The following NR2C1 variants were observed in gnomAD, a reference collection of about 807,000 sequenced individuals.
NR2C1 encodes TR2 nuclear hormone receptor.
Under a neutral mutation model 74.8 loss-of-function variants are expected in NR2C1, and 33 were observed. The ratio of observed to expected loss-of-function variants is 0.44; its 90% CI spans 0.33 to 0.59. The LOEUF is 0.59. NR2C1 is among the 20% of genes least tolerant of loss of function. NR2C1 has a pLI of 0.02. For missense variants in NR2C1, 568 were observed against 715.6 expected, an observed-to-expected ratio of 0.79 and a Z score of 2.35; for synonymous variants, 225 against 240.6, an observed-to-expected ratio of 0.94 and a Z score of 0.60.
At chr12:95,038,827 C>T (rs1436627128) in intron 10 of NR2C1, among the ~76,000 whole-genome samples, 1 of 152,072 alleles carries the variant, frequency 6.6e-6, no homozygotes, top group Non-Finnish European at 1.5e-5. Flanking sequence ...TCTGTATCCT[C>T]ACTATATTTG....
At chr12:95,028,809 T>C (rs1354202699) in intron 11 of NR2C1, among the ~76,000 whole-genome samples, 2 of 151,956 alleles carry the variant, frequency 1.3e-5, no homozygotes, top group Non-Finnish European at 2.9e-5. Flanking sequence ...TTTGTATTTT[T>C]TGTAGGATGG....
rs202154538 is a variant in NR2C1, at chr12:95,058,430, G to A, written c.424C>T (p.Arg142Ter). The A allele has an allele frequency of 1.2e-6, 2 of 1,612,850 alleles. No homozygotes were observed. The highest frequency in any genetic ancestry group is 1.7e-6 in the Non-Finnish European group (2 of 1,179,644). ...GCKGFFKRSI[R>*]KNLVYSCRGS... ...CGACATGAATATACTAAATTTTTTC[G>A]GATGCTTCTTTTAAAAAATCCTTTG... The change falls in exon 5 of 14, where the codon CGA becomes TGA. Residue 142 changes from arginine (R) to a stop codon, truncating the protein, a stop_gained. Coordinates refer to ENST00000333003, the MANE Select transcript of NR2C1 (RefSeq NM_003297.4). LOFTEE classifies it high-confidence loss of function.
chr12:95,057,659 A>C lies in NR2C1; in HGVS notation c.693-16T>G. 6.2e-7 allele frequency: 1 copy of C among 1,612,886 alleles called. No homozygotes were observed. Among genetic ancestry groups the C allele is most frequent in the African/African-American group, 1.3e-5 (1 of 74,998 alleles). On this transcript the variant is annotated splice_polypyrimidine_tract_variant and intron_variant, in intron 6 of 13. Transcript: ENST00000333003. ...TCCTGTTGACCTGTAACAAATCAGCACAAATTTTGGCCTGAGTTTCATTGG... is the reference window on the plus strand; with the variant it reads ...TCCTGTTGACCTGTAACAAATCAGCCCAAATTTTGGCCTGAGTTTCATTGG...
At chr12:95,047,410 G>C (rs1394340364) in intron 9 of NR2C1, among the ~76,000 whole-genome samples, 1 of 151,458 alleles carries the variant, frequency 6.6e-6, no homozygotes, top group Non-Finnish European at 1.5e-5. Context: ...AATTATCTTT[G>C]GTAAAATTTT....
At chr12:95,059,738 T>G (rs939107255) in intron 4 of NR2C1, among the ~76,000 whole-genome samples, 168 bp downstream of exon 4, 1 of 152,080 alleles carries the variant, frequency 6.6e-6, no homozygotes, top group Non-Finnish European at 1.5e-5. Context: ...AAAAAATTAG[T>G]TAAATGTTAT....
intron 10 of NR2C1, among the ~76,000 whole-genome samples, chr12:95,038,135 A>T (rs1327656629): frequency 1.3e-5 from 2 of 152,192 alleles, no homozygotes; most frequent in African/African-American, 4.8e-5. Context: ...TGTTACATTG[A>T]AACTGATTCT....
intron 3 of NR2C1, 62 bp from the exon 4 acceptor site, chr12:95,060,046 T>C: frequency 7.9e-7 from 1 of 1,260,088 alleles, no homozygotes; most frequent in South Asian, 1.4e-5. Flanking sequence ...TCAACAGCAC[T>C]CATTCTATTA....
Position 95,021,206 on chromosome 12 carries a change from T to C in NR2C1, c.*1023A>G, listed in dbSNP as rs774155871. On this transcript the variant is annotated 3_prime_UTR_variant, in exon 14 of 14. Coordinates refer to ENST00000333003, the MANE Select transcript of NR2C1 (RefSeq NM_003297.4). ...TTTGGGCTCAATTAGTCTTTATTACTTTCTTTCTTTTTACAGAGACGAGGT... is the reference window on the plus strand; with the variant it reads ...TTTGGGCTCAATTAGTCTTTATTACCTTCTTTCTTTTTACAGAGACGAGGT... 2 of 152,088 alleles carry C rather than the reference T, an allele frequency of 1.3e-5. No individual in the cohort carries two copies. Among genetic ancestry groups the C allele is most frequent in the Non-Finnish European group, 2.9e-5 (2 of 68,026 alleles). 9.4% of individuals were successfully genotyped at this position (152,088 alleles called of 1,614,324 possible).
chr12:95,067,343 T>C lies in NR2C1; in HGVS notation c.42A>G (p.Gln14=). The change falls in exon 2 of 14, where the codon CAA becomes CAG. Residue 14 remains glutamine (Q), a synonymous_variant. Transcript: ENST00000333003. Reference sequence around the variant, plus strand: ...AAACTAGACATACCTCTCCCATCTGTTGTTCAATAATTTGATGTGCAATTT... The same window carrying C: ...AAACTAGACATACCTCTCCCATCTGCTGTTCAATAATTTGATGTGCAATTT... The part of the protein sequence containing the change: ...IEEIAHQIIE[Q]QMGEIVTEQQ... The C allele has an allele frequency of 6.2e-7, 1 of 1,613,822 alleles. No homozygotes were observed. The highest frequency in any genetic ancestry group is 8.5e-7 in the Non-Finnish European group (1 of 1,179,754).
intron 9 of NR2C1, among the ~76,000 whole-genome samples, chr12:95,041,426 G>A (rs1871520270): frequency 6.6e-6 from 1 of 152,060 alleles, no homozygotes; most frequent in African/African-American, 2.4e-5. Context: ...AGGTTGCAGT[G>A]AGCCAAGATT....
intron 12 of NR2C1, among the ~76,000 whole-genome samples, chr12:95,025,788 A>G (rs1333702706): frequency 6.6e-6 from 1 of 151,328 alleles, no homozygotes; most frequent in African/African-American, 2.4e-5. Flanking sequence ...ACATATGCTA[A>G]CAACTAATAA....
chr12:95,041,759 T>C (rs1255603200), intron 9 of NR2C1, among the ~76,000 whole-genome samples: 3 of 152,084 alleles, frequency 2.0e-5, no homozygotes, highest in African/African-American at 7.2e-5. Flanking sequence ...TACCAAAATT[T>C]TGAAAGTAAG....
At chr12:95,041,283 C>T (rs973022624) in intron 9 of NR2C1, among the ~76,000 whole-genome samples, 4 of 151,984 alleles carry the variant, frequency 2.6e-5, no homozygotes, top group Admixed American at 6.6e-5. Context: ...GTCGAGAGAT[C>T]GAGACCATCC....
chr12:95,032,727 GGAGGCT>G (rs1252016393), intron 10 of NR2C1, among the ~76,000 whole-genome samples: 3 of 152,178 alleles, frequency 2.0e-5, no homozygotes, highest in African/African-American at 7.2e-5. Context: ...CAGCACTTCG[GGAGGCT>G]GAGGCAGACG....
At chr12:95,046,874 G>C (rs1165290401) in intron 9 of NR2C1, among the ~76,000 whole-genome samples, 1 of 152,166 alleles carries the variant, frequency 6.6e-6, no homozygotes, top group East Asian at 1.9e-4. Context: ...TCACAAGGCT[G>C]TAAGACTCCG....
intron 11 of NR2C1, among the ~76,000 whole-genome samples, chr12:95,029,767 C>T (rs984814164): frequency 1.3e-5 from 2 of 152,124 alleles, no homozygotes; most frequent in African/African-American, 4.8e-5. Context: ...CCATGTTTGC[C>T]GGGCTGGTCT....
chr12:95,066,226 G>A (rs1875674586), intron 2 of NR2C1, among the ~76,000 whole-genome samples: 2 of 152,124 alleles, frequency 1.3e-5, no homozygotes, highest in South Asian at 4.1e-4. Flanking sequence ...ACAAGGCTGG[G>A]CACAGCACCT....
chr12:95,029,176 G>A (rs1213019753), intron 11 of NR2C1, among the ~76,000 whole-genome samples: 1 of 152,016 alleles, frequency 6.6e-6, no homozygotes, highest in African/African-American at 2.4e-5. Flanking sequence ...CTGCCTCCTG[G>A]GTTCAAGCAA....
chr12:95,066,195 G>A (rs117623495), intron 2 of NR2C1, among the ~76,000 whole-genome samples: 2,936 of 152,156 alleles, frequency 0.019, 100 homozygotes, highest in Non-Finnish European at 0.021. Flanking sequence ...TAATCTGTTA[G>A]ACTATGTTGT....
Sources: allele counts gnomAD v4.1 joint callset (sites outside exome capture counted in the v4.1 genomes callset), GRCh38; gene constraint gnomAD v4.1.1; transcripts MANE v1.5; gene names NCBI Gene and HGNC (gene_info 2026-07-23, HGNC 2026-07-21).